Variants in KDR observed in about 807,000 individuals in gnomAD.
KDR encodes the protein kinase insert domain receptor, also known as vascular endothelial growth factor receptor 2.
Under a neutral mutation model 160.9 loss-of-function variants are expected in KDR, and 43 were observed. That is an observed-to-expected ratio of 0.27 (90% confidence interval 0.21 to 0.34). The LOEUF (loss-of-function observed/expected upper bound fraction) is 0.34, where lower values mean the gene tolerates loss of function less well. KDR is among the 10% of genes least tolerant of loss of function. KDR has a pLI of 1.00. For synonymous variants in KDR, 617 were observed against 600.1 expected (o/e 1.03, Z -0.41); for missense variants, 1,469 against 1,666.4 (o/e 0.88, Z 2.06).
chr4:55,097,897 T>C (rs1231088802), intron 17 of KDR, 131 bp from the exon 18 acceptor site: 15 of 829,566 alleles, frequency 1.8e-5, no homozygotes, highest in Non-Finnish European at 2.8e-5. Context: ...GTTTACTCCT[T>C]TGTCCTGGCT....
intron 19 of KDR, 108 bp downstream of exon 19, chr4:55,096,121 T>C (rs1720146663): frequency 1.4e-6 from 1 of 700,438 alleles, no homozygotes; most frequent in Non-Finnish European, 2.6e-6. Flanking sequence ...ATCCGCAAAG[T>C]ATTCTAAGCT....
chr4:55,103,779 T>TAA (rs551804761), intron 13 of KDR, among the ~76,000 whole-genome samples: 1 of 145,246 alleles, frequency 6.9e-6, no homozygotes, highest in South Asian at 2.2e-4. Flanking sequence ...TTCCTAACAG[T>TAA]AAAAAAAAAA....
intron 3 of KDR, among the ~76,000 whole-genome samples, chr4:55,115,645 T>C (rs1473216022): frequency 6.6e-6 from 1 of 152,070 alleles, no homozygotes; most frequent in Non-Finnish European, 1.5e-5. Flanking sequence ...TCTGTGTGTA[T>C]AAAAATTTTG....
intron 27 of KDR, among the ~76,000 whole-genome samples, chr4:55,085,519 C>T (rs1457423740): frequency 6.6e-6 from 1 of 152,108 alleles, no homozygotes; most frequent in Admixed American, 6.6e-5. Context: ...ACTCATTCTC[C>T]CCAGAGAAAC....
At chr4:55,123,596 A>C (rs1720952010) in intron 1 of KDR, among the ~76,000 whole-genome samples, 1 of 152,206 alleles carries the variant, frequency 6.6e-6, no homozygotes, top group East Asian at 1.9e-4. Flanking sequence ...GTAGACCAAC[A>C]TAGTTTTTTG....
chr4:55,097,938 C>A (rs1275597082), intron 17 of KDR, among the ~76,000 whole-genome samples, 172 bp from the exon 18 acceptor site: 1 of 151,660 alleles, frequency 6.6e-6, no homozygotes, highest in Non-Finnish European at 1.5e-5. Context: ...CTTCACTCTC[C>A]AAATGTCCTG....
chr4:55,120,977 C>T lies in KDR; in HGVS notation c.161+120G>A. On this transcript the variant is annotated intron_variant, in intron 2 of 29. Coordinates refer to ENST00000263923, the MANE Select transcript of KDR (RefSeq NM_002253.4). ...TTATTACATCAGTTCTTAGAAACCT[C>T]ACCACTTATGAACAATTACTACAAG... The T allele has an allele frequency of 4.4e-6, 3 of 679,980 alleles. No homozygotes were observed. The South Asian group carries it at 5.6e-5, about 13-fold the overall frequency. 42.1% of individuals were successfully genotyped at this position (679,980 alleles called of 1,614,324 possible).
intron 22 of KDR, 32 bp downstream of exon 22, chr4:55,092,585 A>T (rs755000007): frequency 3.4e-6 from 5 of 1,468,462 alleles, no homozygotes; most frequent in Non-Finnish European, 4.8e-6. Flanking sequence ...GTGATCTGAA[A>T]AGATAGCTGA....
rs866037702 is a variant in KDR at position 55,118,857 on chromosome 4, T to G, written c.162-57A>C. On this transcript the variant is annotated intron_variant, in intron 2 of 29. Coordinates refer to ENST00000263923, the MANE Select transcript of KDR (RefSeq NM_002253.4). ...TGAAGTGCCAGACTGTGAGGCTATT[T>G]CTAAGAAAAGAGAAAATTTGGTTTT... 4 of 1,457,166 alleles carry G rather than the reference T, an allele frequency of 2.7e-6. No individual in the cohort carries two copies. The African/African-American group carries it at 5.6e-5, about 20-fold the overall frequency. The allele number at this position is 1,457,166 out of a possible 1,614,324, so 90.3% of individuals were successfully genotyped here.
chr4:55,124,972 G>T (rs1720993696), intron 1 of KDR, among the ~76,000 whole-genome samples: 1 of 152,146 alleles, frequency 6.6e-6, no homozygotes, highest in Admixed American at 6.5e-5. Context: ...CTCAGGACAT[G>T]CTCCAGCCGA....
chr4:55,089,154 A>C lies in KDR; in HGVS notation c.3405-181T>G, dbSNP rs370039789. ...GGCTCAATGTGTATAGAAAACATTTAAAGCAACATCTAATAAAAACTAACT... is the reference window on the plus strand; with the variant it reads ...GGCTCAATGTGTATAGAAAACATTTCAAGCAACATCTAATAAAAACTAACT... On this transcript the variant is annotated intron_variant, in intron 25 of 29. Transcript: ENST00000263923. Among the ~76,000 whole-genome samples the C allele has an allele frequency of 3.3e-5, 5 of 152,334 alleles. No homozygotes were observed. The East Asian group carries it at 9.6e-4, about 29-fold the overall frequency.
chr4:55,094,313 TGGAA>T (rs1366743325), intron 21 of KDR, among the ~76,000 whole-genome samples: 1 of 152,186 alleles, frequency 6.6e-6, no homozygotes, highest in Non-Finnish European at 1.5e-5. Flanking sequence ...GAAGTATGGT[TGGAA>T]GGAAGACTTG....
intron 12 of KDR, 144 bp from the exon 13 acceptor site, chr4:55,105,128 A>C (rs2110023540): frequency 1.4e-6 from 1 of 711,100 alleles, no homozygotes; most frequent in Non-Finnish European, 2.4e-6. Flanking sequence ...TTGACAAACA[A>C]ACTAGACAAT....
At chr4:55,109,997 A>G (rs562936230) in intron 9 of KDR, among the ~76,000 whole-genome samples, 1 of 152,302 alleles carries the variant, frequency 6.6e-6, no homozygotes, top group East Asian at 1.9e-4. Flanking sequence ...TACATCAACT[A>G]CAACATCAAA....
chr4:55,101,788 G>T, intron 15 of KDR, 109 bp downstream of exon 15: 1 of 925,720 alleles, frequency 1.1e-6, no homozygotes, highest in Non-Finnish European at 1.7e-6. Context: ...TGAGGATAAT[G>T]GCTTCCAGCT....
intron 2 of KDR, among the ~76,000 whole-genome samples, chr4:55,119,817 C>G (rs1720822709): frequency 6.6e-6 from 1 of 152,172 alleles, no homozygotes; most frequent in Admixed American, 6.5e-5. Context: ...CAGCATTTCT[C>G]TACAAGGCCC....
intron 3 of KDR, 68 bp downstream of exon 3, chr4:55,118,536 T>A: frequency 8.0e-7 from 1 of 1,252,974 alleles, no homozygotes. Flanking sequence ...ACTCAATTCT[T>A]CTTTGAGCCT....
chr4:55,095,595 A>T lies in KDR; in HGVS notation c.2799T>A (p.Asn933Lys). ...NLSTYLRSKR[N>K]EFVPYKTKGA... ...GACATACCTTGTAGGGGACAAATTC[A>T]TTTCTCTTGCTCCTCAGGTAAGTGG... Residue 933 changes from asparagine (N) to lysine (K), a missense_variant, in exon 20 of 30, where the codon AAT becomes AAA. This residue lies in a region of KDR where 151 missense variants were observed against 207.2 expected (regional missense o/e 0.73). Transcript: ENST00000263923. The T allele has an allele frequency of 6.2e-7, 1 of 1,612,574 alleles. No homozygotes were observed. The highest frequency in any genetic ancestry group is 8.5e-7 in the Non-Finnish European group (1 of 1,178,690).
intron 13 of KDR, among the ~76,000 whole-genome samples, chr4:55,104,311 ACT>A (rs1019151576): frequency 2.0e-5 from 3 of 151,930 alleles, no homozygotes; most frequent in African/African-American, 7.2e-5. Flanking sequence ...AATTTCTGAC[ACT>A]CTCCTAGCTC....
Sources: allele counts gnomAD v4.1 joint callset (sites outside exome capture counted in the v4.1 genomes callset), GRCh38; gene constraint gnomAD v4.1.1; regional missense constraint gnomAD v4.1.1; transcripts MANE v1.5; gene names NCBI Gene and HGNC (gene_info 2026-07-23, HGNC 2026-07-21).